Variants in CDON observed in about 807,000 individuals in gnomAD.
CDON encodes cell adhesion molecule-related/down-regulated by oncogenes.
CDON carries 73 observed loss-of-function variants against 120.9 expected under a neutral mutation model. The observed-to-expected ratio is 0.60, with a 90% CI of 0.50 to 0.73. CDON has a LOEUF of 0.73. CDON is among the 30% of genes least tolerant of loss of function. The probability of loss-of-function intolerance (pLI) is 0.00; values close to 1 mark genes in which losing one functional copy is unlikely to be tolerated. For synonymous variants in CDON, 566 were observed against 573.5 expected, an observed-to-expected ratio of 0.99 and a Z score of 0.19; for missense variants, 1,470 against 1,587.3, an observed-to-expected ratio of 0.93 and a Z score of 1.26.
intron 4 of CDON, among the ~76,000 whole-genome samples, chr11:126,018,810 T>G (rs1362903099): frequency 1.3e-5 from 2 of 152,206 alleles, no homozygotes; most frequent in Non-Finnish European, 2.9e-5. Context: ...CTTCAAGTGA[T>G]CTTCCTGCCT....
intron 15 of CDON, among the ~76,000 whole-genome samples, chr11:125,987,906 T>C (rs1946515311): frequency 6.6e-6 from 1 of 152,218 alleles, no homozygotes; most frequent in Non-Finnish European, 1.5e-5. Flanking sequence ...GAAACACACA[T>C]GGTTTAGAGT....
At chr11:126,036,543 CA>C (rs58201761) in intron 1 of CDON, among the ~76,000 whole-genome samples, 36,353 of 152,074 alleles carry the variant, frequency 0.24, 4,484 homozygotes, top group Non-Finnish European at 0.24. Context: ...CAAACAATAA[CA>C]GACCCTATGT....
intron 7 of CDON, among the ~76,000 whole-genome samples, chr11:126,013,973 T>C (rs1947382964): frequency 6.6e-6 from 1 of 152,126 alleles, no homozygotes; most frequent in Admixed American, 6.5e-5. Context: ...TTCATTATCA[T>C]CCAGTTCAAA....
At position 125,989,670 on chromosome 11, in the gene CDON, C is replaced by G; in HGVS notation, c.2740G>C (p.Glu914Gln). 2 of 1,613,560 alleles carry G rather than the reference C, an allele frequency of 1.2e-6. No homozygotes were observed. Among genetic ancestry groups the G allele is most frequent in the Non-Finnish European group, 1.7e-6 (2 of 1,179,618 alleles). Residue 914 changes from glutamate to glutamine, a missense_variant, in exon 15 of 20, where the codon GAA (glutamate) becomes CAA (glutamine). By Grantham distance (29) the Glu-to-Gln change is conservative. Transcript: ENST00000531738. ...MQCFNEGGESEFSNVMICETK... is the reference protein window; with the variant it reads ...MQCFNEGGESQFSNVMICETK... ...TCGCAGATCATCACATTGCTAAATT[C>G]ACTTTCTCCTCCTTCATTGAAGCAT...
intron 1 of CDON, among the ~76,000 whole-genome samples, chr11:126,046,491 G>A (rs927178401): frequency 1.4e-5 from 2 of 141,036 alleles, no homozygotes; most frequent in African/African-American, 5.5e-5. Flanking sequence ...TGAGATTCTC[G>A]AGACTTATCT....
chr11:126,016,064 T>C (rs545455013), intron 6 of CDON, among the ~76,000 whole-genome samples: 4 of 152,388 alleles, frequency 2.6e-5, no homozygotes, highest in Non-Finnish European at 4.4e-5. Flanking sequence ...ATTATGCATA[T>C]TAATCCAGTC....
chr11:126,027,841 C>T (rs1325661189), intron 1 of CDON, among the ~76,000 whole-genome samples: 1 of 152,192 alleles, frequency 6.6e-6, no homozygotes, highest in African/African-American at 2.4e-5. Context: ...GGGCACATTA[C>T]TTGCCAAACG....
chr11:126,003,822 A>AAAAAATAAATTAT (rs199905542), intron 10 of CDON, 80 bp downstream of exon 10: 34,000 of 1,373,104 alleles, frequency 0.025, 633 homozygotes, highest in Middle Eastern at 0.037. Flanking sequence ...TCCATCTCAA[A>AAAAAATAAATTAT]AAAAATAAAT....
chr11:126,011,911 G>A (rs1392806357), intron 7 of CDON, among the ~76,000 whole-genome samples: 2 of 152,064 alleles, frequency 1.3e-5, no homozygotes, highest in Middle Eastern at 3.2e-3. Context: ...TTACCTCCAT[G>A]CTGATAACAA....
At chr11:126,062,071 G>A (rs994472064) in intron 1 of CDON, among the ~76,000 whole-genome samples, 2 of 152,192 alleles carry the variant, frequency 1.3e-5, no homozygotes, top group Non-Finnish European at 2.9e-5. Flanking sequence ...CTTTACAGAG[G>A]AGAAGGAAAA....
intron 5 of CDON, 101 bp from the exon 6 acceptor site, chr11:126,017,476 T>C (rs1947505106): frequency 1.8e-6 from 2 of 1,126,824 alleles, no homozygotes; most frequent in South Asian, 1.3e-5. Flanking sequence ...GTATTCTTTA[T>C]ACTACAAGGT....
chr11:126,019,722 T>C lies in CDON; in HGVS notation c.393A>G (p.Ala131=), dbSNP rs747821152. The change falls in exon 4 of 20, where the codon GCA becomes GCG. Residue 131 remains alanine (A), a synonymous_variant. Coordinates refer to ENST00000531738, the MANE Select transcript of CDON (RefSeq NM_001378964.1). ...FGSSTKHVIT[A]EEKSAGFIGC... is the part of the protein sequence containing the mutation. Reference sequence around the variant, plus strand: ...CAATGAAACCAGCACTTTTTTCTTCTGCTGTAATAACATGCTTTGTGGATG... The same window carrying C: ...CAATGAAACCAGCACTTTTTTCTTCCGCTGTAATAACATGCTTTGTGGATG... 1.2e-6 allele frequency: 2 copies of C among 1,614,022 alleles called. No homozygotes were observed. The highest frequency in any genetic ancestry group is 1.7e-6 in the Non-Finnish European group (2 of 1,179,888).
In CDON at chr11:125,956,972, T is replaced by C. The variant is rs1945503836; in HGVS notation, c.*3970A>G. The C allele has an allele frequency of 1.5e-5, 9 of 598,036 alleles. No homozygotes were observed. The highest frequency in any genetic ancestry group is 1.9e-5 in the Non-Finnish European group (9 of 476,290). The allele number at this position is 598,036 out of a possible 1,614,324, so 37.0% of individuals were successfully genotyped here. ...ACCCGATGCAAAAGACTTTGCTGGC[T>C]TTCTGGTCAGACAAGCCTAGAGATG... On this transcript the variant is annotated 3_prime_UTR_variant, in exon 20 of 20. Coordinates refer to ENST00000531738, the MANE Select transcript of CDON (RefSeq NM_001378964.1).
chr11:126,059,272 A>G (rs1948742701), intron 1 of CDON, among the ~76,000 whole-genome samples: 1 of 152,256 alleles, frequency 6.6e-6, no homozygotes, highest in African/African-American at 2.4e-5. Flanking sequence ...TCGGAGGGAA[A>G]GCAGAGAAGC....
At chr11:126,062,424 A>G (rs1419803762) in intron 1 of CDON, among the ~76,000 whole-genome samples, 155 bp downstream of exon 1, 2 of 151,788 alleles carry the variant, frequency 1.3e-5, no homozygotes, top group African/African-American at 4.8e-5. Context: ...ATCAGCATCC[A>G]GACCCCGCAC....
chr11:126,010,895 C>T (rs1263022022), intron 7 of CDON: 2 of 635,460 alleles, frequency 3.1e-6, no homozygotes, highest in Non-Finnish European at 5.8e-6. Flanking sequence ...GGCTCCTAAA[C>T]ATTTCCTACG....
intron 7 of CDON, among the ~76,000 whole-genome samples, chr11:126,014,242 C>T (rs147899132): frequency 1.3e-5 from 2 of 152,104 alleles, no homozygotes; most frequent in East Asian, 3.9e-4. Flanking sequence ...GACCAACGAC[C>T]TAATTTTTTC....
chr11:126,023,062 T>C (rs896350346), intron 2 of CDON, among the ~76,000 whole-genome samples: 7 of 152,214 alleles, frequency 4.6e-5, no homozygotes, highest in African/African-American at 7.2e-5. Context: ...TTGGTATATT[T>C]AGTCCGCATT....
At chr11:126,004,344 A>G (rs1347781797) in intron 9 of CDON, 4 of 476,346 alleles carry the variant, frequency 8.4e-6, no homozygotes, top group Admixed American at 3.4e-5. Flanking sequence ...CTGCCCTCCC[A>G]GACTCTGTTT....
Sources: gnomAD v4.1 joint callset for allele counts (sites outside exome capture counted in the v4.1 genomes callset) on GRCh38, gnomAD v4.1.1 for gene constraint, MANE v1.5 for transcripts, NCBI Gene and HGNC (gene_info 2026-07-23, HGNC 2026-07-21) for gene names.